SLCO3A1: variants seen among roughly 807,000 people sequenced by gnomAD.
SLCO3A1 encodes solute carrier organic anion transporter family member 3A1.
Under a neutral mutation model 63.1 loss-of-function variants are expected in SLCO3A1, and 27 were observed. That is an observed-to-expected ratio of 0.43 (90% confidence interval 0.32 to 0.59). The LOEUF is 0.59. Ranked by LOEUF, SLCO3A1 falls within the 20% of genes least tolerant of loss-of-function variation. The probability of loss-of-function intolerance (pLI) is 0.09; values close to 1 mark genes in which losing one functional copy is unlikely to be tolerated. For missense variants in SLCO3A1, 773 were observed against 945.8 expected (o/e 0.82, Z 2.40); for synonymous variants, 473 against 409.9 (o/e 1.15, Z -1.86).
In SLCO3A1 at chr15:91,872,708, T is replaced by C. The variant is rs1213272941; in HGVS notation, c.180+18620T>C. On this transcript the variant is annotated intron_variant, in intron 1 of 9. Coordinates refer to ENST00000318445, the MANE Select transcript of SLCO3A1 (RefSeq NM_013272.4). The surrounding 1 kb of genome is among the most constrained non-coding windows in gnomAD (Gnocchi z 4.1). ...TGCTTCAGTGTCTTGAGTGTGTTGATATTATTTTAACATGTTACCACCTGT... is the reference window on the plus strand; with the variant it reads ...TGCTTCAGTGTCTTGAGTGTGTTGACATTATTTTAACATGTTACCACCTGT... Among the ~76,000 whole-genome samples the C allele has an allele frequency of 6.6e-6, 1 of 152,246 alleles. No individual in the cohort carries two copies. Among genetic ancestry groups the C allele is most frequent in the Non-Finnish European group, 1.5e-5 (1 of 68,050 alleles).
intron 2 of SLCO3A1, among the ~76,000 whole-genome samples, chr15:92,081,606 G>T (rs903112768): frequency 6.6e-6 from 1 of 152,160 alleles, no homozygotes; most frequent in Non-Finnish European, 1.5e-5. Flanking sequence ...GACCTCAGGC[G>T]ATCTGCCCAC....
At chr15:91,946,612 G>GA (rs1192404289) in intron 2 of SLCO3A1, among the ~76,000 whole-genome samples, 1 of 152,170 alleles carries the variant, frequency 6.6e-6, no homozygotes, top group Non-Finnish European at 1.5e-5. Flanking sequence ...AGAACCAAGT[G>GA]AAAAAATAGG....
At chr15:92,101,091 G>A (rs1485939011) in intron 3 of SLCO3A1, among the ~76,000 whole-genome samples, 2 of 152,190 alleles carry the variant, frequency 1.3e-5, no homozygotes, top group African/African-American at 2.4e-5. Context: ...TCCTCTTCCA[G>A]CCACACAGAG....
At chr15:92,102,058 A>G (rs2047611569) in intron 3 of SLCO3A1, among the ~76,000 whole-genome samples, 1 of 151,960 alleles carries the variant, frequency 6.6e-6, no homozygotes, top group Admixed American at 6.6e-5. Flanking sequence ...CCCCCAAACA[A>G]CTGCTAGGAT....
At chr15:92,115,205 C>T (rs1454995163) in intron 4 of SLCO3A1, among the ~76,000 whole-genome samples, 1 of 152,102 alleles carries the variant, frequency 6.6e-6, no homozygotes, top group African/African-American at 2.4e-5. Context: ...GAAACCAAGG[C>T]CATGGACAAG....
In SLCO3A1 at chr15:91,877,342, C is replaced by G. The variant is rs546378550; in HGVS notation, c.180+23254C>G. On this transcript the variant is annotated intron_variant, in intron 1 of 9. Transcript: ENST00000318445. ...TTAACCTTAAAAATTTTAAGATGTT[C>G]GTGTTCTTTGAAGCTACTTTATTAA... is the stretch of plus-strand genomic sequence containing the variant. Among the ~76,000 whole-genome samples, 5 of 152,256 alleles carry G rather than the reference C, an allele frequency of 3.3e-5. No individual in the cohort carries two copies. In the South Asian group the frequency reaches 8.3e-4, roughly 25 times the overall value.
At chr15:91,984,259 A>G (rs1326428657) in intron 2 of SLCO3A1, among the ~76,000 whole-genome samples, 1 of 152,120 alleles carries the variant, frequency 6.6e-6, no homozygotes, top group African/African-American at 2.4e-5. Flanking sequence ...CCAGACTATT[A>G]CTCAAGGTTT....
At chr15:91,868,315 G>A (rs1252330596) in intron 1 of SLCO3A1, among the ~76,000 whole-genome samples, 2 of 144,728 alleles carry the variant, frequency 1.4e-5, no homozygotes, top group Admixed American at 6.9e-5. Flanking sequence ...GCCTCACAAA[G>A]TGCTGGGATT....
chr15:91,951,957 G>A (rs1182250319), intron 2 of SLCO3A1, among the ~76,000 whole-genome samples: 1 of 152,158 alleles, frequency 6.6e-6, no homozygotes, highest in African/African-American at 2.4e-5. Flanking sequence ...TTAACATTTT[G>A]AGGAACTGCT....
chr15:91,952,062 T>C (rs190785283), intron 2 of SLCO3A1, among the ~76,000 whole-genome samples: 2 of 152,242 alleles, frequency 1.3e-5, no homozygotes. Flanking sequence ...TCTCTGATGG[T>C]AGGCATGCTA....
chr15:92,155,728 T>A (rs7497448), intron 9 of SLCO3A1, among the ~76,000 whole-genome samples: 8 of 151,454 alleles, frequency 5.3e-5, no homozygotes, highest in Non-Finnish European at 1.0e-4. Context: ...TCTATTGAGA[T>A]CCCCCCAACC....
chr15:92,152,444 C>G (rs1002792177), intron 9 of SLCO3A1, among the ~76,000 whole-genome samples: 9 of 152,348 alleles, frequency 5.9e-5, no homozygotes, highest in Admixed American at 5.9e-4. Flanking sequence ...TGTCCTAAGT[C>G]TAAGTCATGG....
At chr15:91,970,108 T>G (rs764573051) in intron 2 of SLCO3A1, among the ~76,000 whole-genome samples, 121 of 151,980 alleles carry the variant, frequency 8.0e-4, no homozygotes, top group Non-Finnish European at 1.5e-3. Context: ...CAAAAAAAAC[T>G]TACAGCCTTA....
chr15:92,017,966 A>C (rs1417911943), intron 2 of SLCO3A1, among the ~76,000 whole-genome samples: 1 of 152,086 alleles, frequency 6.6e-6, no homozygotes, highest in Non-Finnish European at 1.5e-5. Flanking sequence ...GGTCGGAGGG[A>C]AACTTCTTGA....
intron 2 of SLCO3A1, among the ~76,000 whole-genome samples, chr15:91,959,671 C>T (rs1369373086): frequency 1.4e-5 from 2 of 140,470 alleles, no homozygotes; most frequent in Admixed American, 1.5e-4. Context: ...TTGCAGTGAG[C>T]TGAGATCACG....
intron 2 of SLCO3A1, among the ~76,000 whole-genome samples, chr15:91,946,842 G>A (rs555118245): frequency 6.6e-6 from 1 of 152,334 alleles, no homozygotes; most frequent in Non-Finnish European, 1.5e-5. Context: ...AGGAAGGGCA[G>A]GTCGGCGTCC....
intron 2 of SLCO3A1, among the ~76,000 whole-genome samples, chr15:91,928,570 T>C (rs74028377): frequency 0.024 from 3,630 of 152,266 alleles, 145 homozygotes; most frequent in African/African-American, 0.083. Flanking sequence ...ACACTAAGTA[T>C]GAAAAGTGAC....
chr15:92,023,197 CTGCAGCCTTACA>C (rs1315212776), intron 2 of SLCO3A1, among the ~76,000 whole-genome samples: 2 of 152,156 alleles, frequency 1.3e-5, no homozygotes, highest in Non-Finnish European at 2.9e-5. Context: ...TGATATTTCC[CTGCAGCCTTACA>C]TGCAGCCTTA....
chr15:91,928,360 G>A (rs1369242137), intron 2 of SLCO3A1, among the ~76,000 whole-genome samples: 1 of 152,126 alleles, frequency 6.6e-6, no homozygotes, highest in Non-Finnish European at 1.5e-5. Context: ...TTCTTTCTGT[G>A]TAGGTAAAGG....
Sources: allele counts gnomAD v4.1 joint callset (sites outside exome capture counted in the v4.1 genomes callset), GRCh38; gene constraint gnomAD v4.1.1; non-coding constraint Gnocchi (gnomAD v3.1); transcripts MANE v1.5; gene names NCBI Gene and HGNC (gene_info 2026-07-23, HGNC 2026-07-21).